Variants in RBFOX1 observed in about 807,000 individuals in gnomAD.
The protein encoded by RBFOX1 is RNA binding protein fox-1 homolog 1.
In RBFOX1, 8 loss-of-function variants were observed where a neutral mutation model predicts 57.7. That is an observed-to-expected ratio of 0.14 (90% confidence interval 0.08 to 0.25). The LOEUF (loss-of-function observed/expected upper bound fraction) is 0.25. Among genes scored for constraint, RBFOX1 ranks in the 10% least tolerant of loss-of-function variants. The pLI, the probability that RBFOX1 is intolerant of heterozygous loss-of-function variation, is 1.00. For missense variants in RBFOX1, 611 were observed against 548.5 expected (o/e 1.11, Z -1.14); for synonymous variants, 326 against 222.4 (o/e 1.47, Z -4.15).
At chr16:6,951,879 A>G (rs953907767) in intron 3 of RBFOX1, among the ~76,000 whole-genome samples, 1 of 150,888 alleles carries the variant, frequency 6.6e-6, no homozygotes, top group South Asian at 2.1e-4. Flanking sequence ...GATTACAGGC[A>G]TATGCACCAC....
intron 2 of RBFOX1, among the ~76,000 whole-genome samples, chr16:6,533,981 A>G (rs943147402): frequency 1.3e-5 from 2 of 152,186 alleles, no homozygotes; most frequent in Non-Finnish European, 2.9e-5. Context: ...ATATGTGTGT[A>G]TATATACACA....
chr16:6,215,960 T>A (rs774183553), intron 1 of RBFOX1, among the ~76,000 whole-genome samples: 1 of 152,134 alleles, frequency 6.6e-6, no homozygotes, highest in Non-Finnish European at 1.5e-5. Flanking sequence ...GTAAAAAGAA[T>A]GAGATCATGT....
chr16:6,620,745 A>C (rs2098217787), intron 2 of RBFOX1, among the ~76,000 whole-genome samples: 1 of 152,170 alleles, frequency 6.6e-6, no homozygotes, highest in African/African-American at 2.4e-5. Context: ...TAAACTAGAA[A>C]CTCTGAAAGA....
At chr16:6,997,472 G>C (rs961765380) in intron 3 of RBFOX1, among the ~76,000 whole-genome samples, 1 of 152,082 alleles carries the variant, frequency 6.6e-6, no homozygotes, top group African/African-American at 2.4e-5. Flanking sequence ...TAAACTTTAA[G>C]TTAATGTTAA....
intron 3 of RBFOX1, among the ~76,000 whole-genome samples, chr16:6,970,028 A>C (rs964971623): frequency 5.3e-5 from 8 of 152,062 alleles, no homozygotes; most frequent in African/African-American, 1.7e-4. Flanking sequence ...TTTAAAAAAA[A>C]TTAGATGGGC....
At chr16:7,658,164 C>T (rs763629511) in intron 12 of RBFOX1, among the ~76,000 whole-genome samples, 4 of 152,192 alleles carry the variant, frequency 2.6e-5, no homozygotes, top group Middle Eastern at 3.4e-3. Flanking sequence ...ATGAACTTAG[C>T]GACTTTATTA....
intron 1 of RBFOX1, among the ~76,000 whole-genome samples, chr16:6,167,691 T>G (rs189755573): frequency 6.6e-6 from 1 of 152,122 alleles, no homozygotes; most frequent in Non-Finnish European, 1.5e-5. Flanking sequence ...AACCTTTTAG[T>G]TCTTAATGGA....
chr16:5,683,304 G>C (rs1248621379), intron 3 of RBFOX1, among the ~76,000 whole-genome samples: 1 of 152,146 alleles, frequency 6.6e-6, no homozygotes, highest in African/African-American at 2.4e-5. Context: ...TTTAACCCCA[G>C]AGCATTTGTA....
rs111869235 is a variant in RBFOX1 at position 5,458,333 on chromosome 16, A to C, written c.220-8883A>C. ...AGAGCTCATGGGAATAAGAAAAAAA[A>C]CGGTGGGGAGGAAGGGGGTTGAGGG... On this transcript the variant is annotated intron_variant, in intron 1 of 2. Coordinates refer to the RBFOX1 transcript ENST00000585867. Among the ~76,000 whole-genome samples, 1,486 of 152,248 alleles carry C rather than the reference A, an allele frequency of 9.8e-3. 26 individuals are homozygous for C. The highest frequency in any genetic ancestry group is 0.034 in the African/African-American group (1,423 of 41,532).
At chr16:7,467,432 T>C (rs2060733234) in intron 4 of RBFOX1, among the ~76,000 whole-genome samples, 1 of 152,132 alleles carries the variant, frequency 6.6e-6, no homozygotes, top group South Asian at 2.1e-4. Flanking sequence ...CATTGGGATG[T>C]AACAACCACA....
intron 4 of RBFOX1, among the ~76,000 whole-genome samples, chr16:7,267,697 A>T (rs1189488767): frequency 1.3e-5 from 2 of 152,116 alleles, no homozygotes; most frequent in Non-Finnish European, 2.9e-5. Context: ...TTTACTAAAA[A>T]TACAAAAAAT....
chr16:6,710,417 G>C (rs992735941), intron 3 of RBFOX1, among the ~76,000 whole-genome samples: 2 of 152,062 alleles, frequency 1.3e-5, no homozygotes. Flanking sequence ...CAATATAAAA[G>C]ATATTTTACA....
At chr16:7,291,779 C>G (rs561778164) in intron 4 of RBFOX1, among the ~76,000 whole-genome samples, 1 of 151,506 alleles carries the variant, frequency 6.6e-6, no homozygotes, top group Admixed American at 6.6e-5. Context: ...AAGGATTTGT[C>G]TGTATTCTGC....
At chr16:7,370,638 C>G (rs913608109) in intron 4 of RBFOX1, among the ~76,000 whole-genome samples, 18 of 152,192 alleles carry the variant, frequency 1.2e-4, no homozygotes, top group Admixed American at 5.2e-4. Flanking sequence ...TTAGCACATC[C>G]TAGGCATGGG....
At chr16:7,189,070 A>G (rs200625154) in intron 4 of RBFOX1, among the ~76,000 whole-genome samples, 19 of 151,506 alleles carry the variant, frequency 1.3e-4, no homozygotes, top group East Asian at 1.9e-4. Context: ...GGAATTCTCA[A>G]TGGATAGAAT....
intron 1 of RBFOX1, among the ~76,000 whole-genome samples, chr16:5,362,962 T>A (rs996971197): frequency 6.6e-6 from 1 of 152,154 alleles, no homozygotes; most frequent in Non-Finnish European, 1.5e-5. Context: ...TTTTAAACCT[T>A]GGCTATTGTG....
intron 3 of RBFOX1, among the ~76,000 whole-genome samples, chr16:5,831,465 T>A (rs2056270533): frequency 7.6e-6 from 1 of 130,970 alleles, no homozygotes; most frequent in South Asian, 2.8e-4. Flanking sequence ...ATTAAACCTC[T>A]TTTCTCTTTT....
At chr16:7,486,091 G>GTCT (rs1215381754) in intron 4 of RBFOX1, among the ~76,000 whole-genome samples, 2 of 144,454 alleles carry the variant, frequency 1.4e-5, no homozygotes, top group East Asian at 2.0e-4. Flanking sequence ...TCACTGTGCT[G>GTCT]TCTGTGGGTA....
At chr16:7,167,549 G>A (rs576046327) in intron 4 of RBFOX1, among the ~76,000 whole-genome samples, 20 of 152,152 alleles carry the variant, frequency 1.3e-4, no homozygotes, top group Admixed American at 3.3e-4. Context: ...GAGGGAGTGC[G>A]ACCCCGCCAG....
Sources: gnomAD v4.1 joint callset for allele counts (sites outside exome capture counted in the v4.1 genomes callset) on GRCh38, gnomAD v4.1.1 for gene constraint, MANE v1.5 for transcripts, NCBI Gene and HGNC (gene_info 2026-07-23, HGNC 2026-07-21) for gene names.